DHH: variants seen among roughly 807,000 people sequenced by gnomAD.
DHH encodes desert hedgehog protein.
Under a neutral mutation model 27.6 loss-of-function variants are expected in DHH, and 16 were observed. That is an observed-to-expected ratio of 0.58 (90% CI 0.39 to 0.88). The LOEUF is 0.88. DHH is among the 40% of genes least tolerant of loss of function. DHH has a pLI of 0.00. For missense variants in DHH, 436 were observed against 563.1 expected, an observed-to-expected ratio of 0.77 and a Z score of 2.28; for synonymous variants, 289 against 263.4, an observed-to-expected ratio of 1.10 and a Z score of -0.94.
chr12:49,088,227 T>C lies in DHH; in HGVS notation c.*1632A>G, dbSNP rs1256138945. ...TAAAAGTGCCATGGTTTGGAACGAC[T>C]TGCCCAAGGAGAAGCAGGTGGACTC... On this transcript the variant is annotated 3_prime_UTR_variant, in exon 3 of 3. Coordinates refer to ENST00000649637, the MANE Select transcript of DHH (RefSeq NM_021044.4). Among the ~76,000 whole-genome samples, 1 of 152,136 alleles carries C rather than the reference T, an allele frequency of 6.6e-6. No individual in the cohort carries two copies. The highest frequency in any genetic ancestry group is 1.5e-5 in the Non-Finnish European group (1 of 68,022).
At position 49,091,166 on chromosome 12, in the gene DHH, T is replaced by C. The variant is rs761580817; in HGVS notation, c.527A>G (p.Tyr176Cys). The C allele has an allele frequency of 2.5e-6, 4 of 1,614,200 alleles. No individual in the cohort carries two copies. The highest frequency in any genetic ancestry group is 3.4e-6 in the Non-Finnish European group (4 of 1,180,034). ...AVEAGFDWVYYESRNHVHVSV... is the reference protein window; with the variant it reads ...AVEAGFDWVYCESRNHVHVSV... ...CACGTGGACGTGGTTGCGGGACTCG[T>C]AGTAGACCCAGTCGAAGCCGGCTTC... The change falls in exon 2 of 3, where the codon TAC (tyrosine) becomes TGC (cysteine). Residue 176 changes from tyrosine to cysteine, a missense_variant. Physicochemically the swap from Tyr to Cys is radical, Grantham distance 194. Transcript: ENST00000649637. This position sits in a 1 kb window ranked among gnomAD's most constrained non-coding sequence, Gnocchi z 4.8.
At chr12:49,093,538 C>T (rs1214142315) in intron 1 of DHH, among the ~76,000 whole-genome samples, 1 of 152,164 alleles carries the variant, frequency 6.6e-6, no homozygotes. Context: ...GCTTGGAAGA[C>T]TTAGGAGCCC....
At position 49,089,911 on chromosome 12, in the gene DHH, A is replaced by AT. The variant is rs1197376040; in HGVS notation, c.1138dup (p.Met380AsnfsTer37). On this transcript the variant is annotated frameshift_variant, in exon 3 of 3. Coordinates refer to ENST00000649637, the MANE Select transcript of DHH (RefSeq NM_021044.4). LOFTEE classifies it high-confidence loss of function. ...GTAGAGGAGCCGAGAGTACCAATGC[A>AT]TGCCAGTCGGCTGGACGGCCCCGCC... 1 of 1,593,912 alleles carries AT rather than the reference A, an allele frequency of 6.3e-7. No homozygotes were observed. Among genetic ancestry groups the AT allele is most frequent in the East Asian group, 2.3e-5 (1 of 43,924 alleles).
rs758189460 is a variant in DHH at position 49,090,742 on chromosome 12, C to T, written c.566-258G>A. On this transcript the variant is annotated intron_variant, in intron 2 of 2. Transcript: ENST00000649637. The surrounding 1 kb of genome is among the most constrained non-coding windows in gnomAD (Gnocchi z 5.2). ...TGAGATAGAATCTCGCTCTGTCGCC[C>T]AGTAGATGGAGTGCAGTGGCACCAT... Among the ~76,000 whole-genome samples the T allele has an allele frequency of 6.6e-6, 1 of 152,034 alleles. No homozygotes were observed. Among genetic ancestry groups the T allele is most frequent in the Non-Finnish European group, 1.5e-5 (1 of 68,032 alleles).
rs772094316 is a variant in DHH at position 49,090,063 on chromosome 12, G to T, written c.987C>A (p.Thr329=). 2.6e-6 allele frequency: 4 copies of T among 1,539,434 alleles called. No individual in the cohort carries two copies. The highest frequency in any genetic ancestry group is 1.4e-5 in the African/African-American group (1 of 71,648). The change falls in exon 3 of 3, where the codon ACC becomes ACA. Residue 329 remains threonine, a synonymous_variant. Transcript: ENST00000649637. This position sits in a 1 kb window ranked among gnomAD's most constrained non-coding sequence, Gnocchi z 5.2. ...EEAVGVFAPL[T]AHGTLLVNDV... ...CGTTCACCAGCAGCGTCCCGTGCGC[G>T]GTGAGCGGCGCGAACACGCCCACGG...
rs937590456 is a variant in DHH, at chr12:49,089,228, A to C, written c.*631T>G. 2.6e-5 allele frequency among the ~76,000 whole-genome samples: 4 copies of C among 152,262 alleles called. No homozygotes were observed. The highest frequency in any genetic ancestry group is 9.6e-5 in the African/African-American group (4 of 41,470). On this transcript the variant is annotated 3_prime_UTR_variant, in exon 3 of 3. Transcript: ENST00000649637. ...CTGGTCCTCTCTGGATGGGAGACGG[A>C]AACAGCAGCCTGGAAAAGGGTACGA...
chr12:49,093,489 A>T (rs773852276), intron 1 of DHH, among the ~76,000 whole-genome samples: 5 of 152,080 alleles, frequency 3.3e-5, no homozygotes, highest in Admixed American at 6.5e-5. Flanking sequence ...AATTTATCCT[A>T]ATTATGTAAT....
chr12:49,094,144 G>A lies in DHH; in HGVS notation c.303+66C>T, dbSNP rs11168855. 9.7e-3 allele frequency: 15,278 copies of A among 1,578,292 alleles called. 1,215 individuals carry two copies. The African/African-American group carries it at 0.18, about 19-fold the overall frequency. On this transcript the variant is annotated intron_variant, in intron 1 of 2. Transcript: ENST00000649637. ...TAGGTGAAGCTGGACTCACCCACCTGGGCTGCCATAGGAAAACGGAGGAGC... is the reference window on the plus strand; with the variant it reads ...TAGGTGAAGCTGGACTCACCCACCTAGGCTGCCATAGGAAAACGGAGGAGC...
At position 49,087,030 on chromosome 12, in the gene DHH, G is replaced by A. The variant is rs115879512; in HGVS notation, c.*2829C>T. ...CCTTCTCAACCATCCTGTCACGGAG[G>A]TATCATTATCCCCAGATCTAGCTGG... On this transcript the variant is annotated 3_prime_UTR_variant, in exon 3 of 3. Transcript: ENST00000649637. Among the ~76,000 whole-genome samples the A allele has an allele frequency of 2.2e-3, 332 of 152,318 alleles. 1 individual carries two copies. The highest frequency in any genetic ancestry group is 7.6e-3 in the African/African-American group (317 of 41,580).
rs1208319461 is a variant in DHH at position 49,087,960 on chromosome 12, G to A, written c.*1899C>T. Among the ~76,000 whole-genome samples, 1 of 152,164 alleles carries A rather than the reference G, an allele frequency of 6.6e-6. No homozygotes were observed. Among genetic ancestry groups the A allele is most frequent in the African/African-American group, 2.4e-5 (1 of 41,412 alleles). ...AACAGAGCCTCAGTGTGGGTTGAGG[G>A]CAGCAGTGGGTGGAAGGACACCAAA... On this transcript the variant is annotated 3_prime_UTR_variant, in exon 3 of 3. Coordinates refer to ENST00000649637, the MANE Select transcript of DHH (RefSeq NM_021044.4).
rs145466782 is a variant in DHH at position 49,089,640 on chromosome 12, C to T, written c.*219G>A. On this transcript the variant is annotated 3_prime_UTR_variant, in exon 3 of 3. Transcript: ENST00000649637. ...AGCACTGGGGGAGAGGCTAAATAGT[C>T]CTCTTTAAGGAGTGCGCACCATCAG... 0.024 allele frequency: 10,606 copies of T among 434,120 alleles called. 185 individuals carry two copies. Among genetic ancestry groups the T allele is most frequent in the Middle Eastern group, 0.057 (97 of 1,704 alleles). 26.9% of individuals were successfully genotyped at this position (434,120 alleles called of 1,614,324 possible).
In DHH at chr12:49,091,692, GAGA is replaced by G. The variant is rs1000390211; in HGVS notation, c.304-306_304-304del. 3.3e-5 allele frequency among the ~76,000 whole-genome samples: 5 copies of G among 152,274 alleles called. No individual in the cohort carries two copies. Among genetic ancestry groups the G allele is most frequent in the South Asian group, 4.1e-4 (2 of 4,828 alleles). Reference sequence around the variant, plus strand: ...GTTCAGGGACAGCGGCTCAACCTGGGAGAAGGACAGAGTTAGGAGGGCGAATGG... The same window carrying G: ...GTTCAGGGACAGCGGCTCAACCTGGGAGGACAGAGTTAGGAGGGCGAATGG... On this transcript the variant is annotated intron_variant, in intron 1 of 2. Coordinates refer to ENST00000649637, the MANE Select transcript of DHH (RefSeq NM_021044.4). The surrounding 1 kb of genome is among the most constrained non-coding windows in gnomAD (Gnocchi z 4.8).
chr12:49,090,383 C>A lies in DHH; in HGVS notation c.667G>T (p.Asp223Tyr), dbSNP rs1939276548. Residue 223 changes from aspartate to tyrosine, a missense_variant, in exon 3 of 3, where the codon GAC (aspartate) becomes TAC (tyrosine). By Grantham distance (160) the Asp-to-Tyr change is radical. Coordinates refer to ENST00000649637, the MANE Select transcript of DHH (RefSeq NM_021044.4). The surrounding 1 kb of genome is among the most constrained non-coding windows in gnomAD (Gnocchi z 5.2). ...GACGCATCGGCCGCCAAAACCCAGT[C>A]TCCGCGGTGCAGTTCCCGCAGCCCT... ...RKGLRELHRG[D>Y]WVLAADASGR... The A allele has an allele frequency of 1.2e-6, 2 of 1,609,582 alleles. No individual in the cohort carries two copies. The highest frequency in any genetic ancestry group is 1.7e-6 in the Non-Finnish European group (2 of 1,178,684).
Position 49,088,872 on chromosome 12 carries a change from T to G in DHH, c.*987A>C, listed in dbSNP as rs1482055280. On this transcript the variant is annotated 3_prime_UTR_variant, in exon 3 of 3. Coordinates refer to ENST00000649637, the MANE Select transcript of DHH (RefSeq NM_021044.4). ...TCCATTCTCTCTCTCTGAGCAGCCC[T>G]TCAGTAAGGAAATATTCCAGCCTCT... is the stretch of plus-strand genomic sequence containing the variant. Among the ~76,000 whole-genome samples, 1 of 152,196 alleles carries G rather than the reference T, an allele frequency of 6.6e-6. No individual in the cohort carries two copies. The highest frequency in any genetic ancestry group is 1.5e-5 in the Non-Finnish European group (1 of 68,028).
At position 49,088,408 on chromosome 12, in the gene DHH, G is replaced by C. The variant is rs1354208962; in HGVS notation, c.*1451C>G. ...TCCGTTTCAGAGAACCATATGCATA[G>C]GCCTAGAATTCTCTTGAAGGCCACC... On this transcript the variant is annotated 3_prime_UTR_variant, in exon 3 of 3. Transcript: ENST00000649637. 6.6e-6 allele frequency among the ~76,000 whole-genome samples: 1 copy of C among 152,124 alleles called. No homozygotes were observed. Among genetic ancestry groups the C allele is most frequent in the Non-Finnish European group, 1.5e-5 (1 of 68,026 alleles).
chr12:49,094,427 G>T lies in DHH; in HGVS notation c.86C>A (p.Pro29Gln). 6.2e-7 allele frequency: 1 copy of T among 1,606,212 alleles called. No homozygotes were observed. Among genetic ancestry groups the T allele is most frequent in the Non-Finnish European group, 8.5e-7 (1 of 1,176,784 alleles). Residue 29 changes from proline (P) to glutamine (Q), a missense_variant, in exon 1 of 3, where the codon CCG becomes CAG. Coordinates refer to ENST00000649637, the MANE Select transcript of DHH (RefSeq NM_021044.4). ...GCGCGCATAGCGGCGCCGGCCAACC[G>T]GCCCCCGGCCCGGCCCGCAGCTCTG... ...PAQSCGPGRG[P>Q]VGRRRYARKQ...
chr12:49,089,788 C>T lies in DHH; in HGVS notation c.*71G>A, dbSNP rs540296387. On this transcript the variant is annotated 3_prime_UTR_variant, in exon 3 of 3. Coordinates refer to ENST00000649637, the MANE Select transcript of DHH (RefSeq NM_021044.4). ...CCTTCCAGTCGGCATCGTCTGCTGC[C>T]CACAGCCCCATATCTCAGCCAGCAG... 40 of 1,447,602 alleles carry T rather than the reference C, an allele frequency of 2.8e-5. No individual in the cohort carries two copies. The African/African-American group carries it at 4.7e-4, about 17-fold the overall frequency. 89.7% of individuals were successfully genotyped at this position (1,447,602 alleles called of 1,614,324 possible).
Position 49,091,217 on chromosome 12 carries a change from T to C in DHH, c.476A>G (p.Tyr159Cys). The change falls in exon 2 of 3, where the codon TAT becomes TGT. Residue 159 changes from tyrosine to cysteine, a missense_variant. Physicochemically the swap from Tyr to Cys is radical, Grantham distance 194. Transcript: ENST00000649637. The surrounding 1 kb of genome is among the most constrained non-coding windows in gnomAD (Gnocchi z 4.8). Reference sequence around the variant, plus strand: ...CACTGCGAGGCGCGCCAGCAACCCATACTTGTTGCGGTCGCGGTCAGACGT... The same window carrying C: ...CACTGCGAGGCGCGCCAGCAACCCACACTTGTTGCGGTCGCGGTCAGACGT... ...ITTSDRDRNK[Y>C]GLLARLAVEA... is the part of the protein sequence containing the mutation. 6.2e-7 allele frequency: 1 copy of C among 1,614,222 alleles called. No individual in the cohort carries two copies.
Position 49,090,107 on chromosome 12 carries a change from G to T in DHH, c.943C>A (p.Arg315Ser). 2.0e-6 allele frequency: 3 copies of T among 1,506,674 alleles called. No individual in the cohort carries two copies. In the South Asian group the frequency reaches 3.8e-5, roughly 19 times the overall value. 93.3% of individuals were successfully genotyped at this position (1,506,674 alleles called of 1,614,324 possible). ...GDALRPARVARVAREEAVGVF... is the reference protein window; with the variant it reads ...GDALRPARVASVAREEAVGVF... ...CCCACGGCTTCCTCCCGCGCCACAC[G>T]GGCCACGCGCGCTGGCCGAAGCGCA... Residue 315 changes from arginine to serine, a missense_variant, in exon 3 of 3, where the codon CGT becomes AGT. Physicochemically the swap from Arg to Ser is moderately radical, Grantham distance 110. Transcript: ENST00000649637. This position sits in a 1 kb window ranked among gnomAD's most constrained non-coding sequence, Gnocchi z 5.2.
Sources: gnomAD v4.1 joint callset for allele counts (sites outside exome capture counted in the v4.1 genomes callset) on GRCh38, gnomAD v4.1.1 for gene constraint, Gnocchi (gnomAD v3.1) non-coding constraint, MANE v1.5 for transcripts, NCBI Gene and HGNC (gene_info 2026-07-23, HGNC 2026-07-21) for gene names.